The following PDE4D variants were observed in gnomAD, a reference collection of about 807,000 sequenced individuals.
PDE4D encodes 3',5'-cyclic-AMP phosphodiesterase 4D.
PDE4D carries 24 observed loss-of-function variants against 87.4 expected under a neutral mutation model. The observed-to-expected ratio is 0.27, with a 90% CI of 0.20 to 0.39. PDE4D has a LOEUF of 0.39. Ranked by LOEUF, PDE4D falls within the 10% of genes least tolerant of loss-of-function variation. The probability of loss-of-function intolerance (pLI) is 1.00; values close to 1 mark genes in which losing one functional copy is unlikely to be tolerated. For synonymous variants in PDE4D, 384 were observed against 383.2 expected (o/e 1.00, Z -0.02); for missense variants, 714 against 1,041.0 (o/e 0.69, Z 4.32).
At chr5:59,874,159 T>C (rs892339208) in intron 1 of PDE4D, among the ~76,000 whole-genome samples, 2 of 152,136 alleles carry the variant, frequency 1.3e-5, no homozygotes, top group African/African-American at 4.8e-5. Context: ...GCCATAATCA[T>C]GCCACTGCAC....
At chr5:59,307,275 A>AAT (rs2153563630) in intron 1 of PDE4D, among the ~76,000 whole-genome samples, 1 of 140,248 alleles carries the variant, frequency 7.1e-6, no homozygotes, top group Non-Finnish European at 1.5e-5. Context: ...AAACCCAGGC[A>AAT]TTACCATTCA....
chr5:59,474,810 A>G (rs1482947101), intron 1 of PDE4D, among the ~76,000 whole-genome samples: 1 of 152,120 alleles, frequency 6.6e-6, no homozygotes, highest in Non-Finnish European at 1.5e-5. Context: ...GAAGTCATAA[A>G]AAGTTTTATG....
At chr5:59,548,490 A>G (rs1259156814) in intron 1 of PDE4D, among the ~76,000 whole-genome samples, 3 of 152,154 alleles carry the variant, frequency 2.0e-5, no homozygotes, top group Non-Finnish European at 4.4e-5. Flanking sequence ...ATAACTCAAC[A>G]GAATAGACAA....
chr5:59,326,219 TAACA>T (rs1448832218), intron 1 of PDE4D, among the ~76,000 whole-genome samples: 2 of 152,106 alleles, frequency 1.3e-5, no homozygotes, highest in Non-Finnish European at 2.9e-5. Flanking sequence ...TATACATATG[TAACA>T]AACCTGCACG....
chr5:59,961,781 A>C (rs1434322871), intron 3 of PDE4D, among the ~76,000 whole-genome samples: 13 of 152,152 alleles, frequency 8.5e-5, no homozygotes, highest in Admixed American at 7.9e-4. Context: ...CTGTAGGGAA[A>C]GGGGAGAATC....
intron 1 of PDE4D, among the ~76,000 whole-genome samples, chr5:59,601,800 G>A (rs989170882): frequency 1.3e-5 from 2 of 152,058 alleles, no homozygotes; most frequent in African/African-American, 4.8e-5. Context: ...AGAGCCCCAA[G>A]TGTAAACTAG....
Position 59,173,791 on chromosome 5 carries a change from CTT to C in PDE4D, c.808+6802_808+6803del, listed in dbSNP as rs539863552. On this transcript the variant is annotated intron_variant, in intron 5 of 14. Transcript: ENST00000340635. ...GGCTTCTCTGGCAATGGCTGGGTCTCTTGTCTTCCCTATACACTGACACAACA... is the reference window on the plus strand; with the variant it reads ...GGCTTCTCTGGCAATGGCTGGGTCTCGTCTTCCCTATACACTGACACAACA... 2.4e-3 allele frequency among the ~76,000 whole-genome samples: 368 copies of C among 152,280 alleles called. 2 individuals carry two copies. The highest frequency in any genetic ancestry group is 8.3e-3 in the African/African-American group (344 of 41,546).
intron 1 of PDE4D, among the ~76,000 whole-genome samples, chr5:59,419,240 A>T (rs1462387439): frequency 6.6e-6 from 1 of 152,204 alleles, no homozygotes; most frequent in Non-Finnish European, 1.5e-5. Context: ...GGACTATTAA[A>T]GTCCTTATGT....
At chr5:59,956,640 G>A (rs1395455578) in intron 3 of PDE4D, among the ~76,000 whole-genome samples, 5 of 152,076 alleles carry the variant, frequency 3.3e-5, no homozygotes, top group African/African-American at 7.2e-5. Flanking sequence ...CATGCTTTCA[G>A]AATTAAATGA....
At chr5:59,191,881 A>G (rs995785702) in intron 3 of PDE4D, among the ~76,000 whole-genome samples, 2 of 152,066 alleles carry the variant, frequency 1.3e-5, no homozygotes, top group Non-Finnish European at 2.9e-5. Flanking sequence ...ATAAGTTTTC[A>G]ATAGTAATCA....
chr5:59,367,689 T>A (rs1783290041), intron 1 of PDE4D, among the ~76,000 whole-genome samples: 1 of 152,196 alleles, frequency 6.6e-6, no homozygotes, highest in Non-Finnish European at 1.5e-5. Flanking sequence ...ATGGTATTAT[T>A]TAAAATCAAA....
At position 60,152,476 on chromosome 5, in the gene PDE4D, A is replaced by AC. The variant is rs568537666; in HGVS notation, c.42+33080dup. On this transcript the variant is annotated intron_variant, in intron 2 of 16. Coordinates refer to the PDE4D transcript ENST00000502484. ...AGACCATCCTGCCTAACATGGTGAA[A>AC]CCCCATCTCTACTAAAAATACAAAA... Among the ~76,000 whole-genome samples the AC allele has an allele frequency of 2.0e-3, 303 of 151,932 alleles. 1 individual carries two copies. The highest frequency in any genetic ancestry group is 7.1e-3 in the African/African-American group (294 of 41,420).
In PDE4D at chr5:59,437,708, A is replaced by G. The variant is rs1243503200; in HGVS notation, c.456-221740T>C. ...AGATGGCATAACTCCTATCTAGGAA[A>G]AAAAAAAAGCATACAATTCATTTGA... On this transcript the variant is annotated intron_variant, in intron 1 of 14. Transcript: ENST00000340635. 1.3e-5 allele frequency among the ~76,000 whole-genome samples: 2 copies of G among 152,118 alleles called. 1 individual carries two copies. The highest frequency in any genetic ancestry group is 1.3e-4 in the Admixed American group (2 of 15,272).
chr5:60,087,382 A>C (rs947610048), intron 2 of PDE4D, among the ~76,000 whole-genome samples: 1 of 152,224 alleles, frequency 6.6e-6, no homozygotes, highest in Admixed American at 6.5e-5. Flanking sequence ...CACCACTCAA[A>C]GAAACCAACA....
At chr5:59,094,574 C>T (rs1769349421) in intron 5 of PDE4D, among the ~76,000 whole-genome samples, 2 of 151,816 alleles carry the variant, frequency 1.3e-5, no homozygotes, top group South Asian at 2.1e-4. Flanking sequence ...AAATGCAGAC[C>T]AAGACAATTG....
chr5:60,095,450 T>C (rs1349377413), intron 2 of PDE4D, among the ~76,000 whole-genome samples: 3 of 152,200 alleles, frequency 2.0e-5, no homozygotes, highest in African/African-American at 4.8e-5. Context: ...CAGTCTATCA[T>C]TGATGGACTT....
At chr5:59,484,190 A>G (rs1582815686) in intron 1 of PDE4D, among the ~76,000 whole-genome samples, 1 of 152,204 alleles carries the variant, frequency 6.6e-6, no homozygotes, top group East Asian at 1.9e-4. Context: ...CTTTTCCATG[A>G]CAGGCAGGTT....
chr5:59,632,910 T>A (rs1477282041), intron 1 of PDE4D, among the ~76,000 whole-genome samples: 1 of 152,102 alleles, frequency 6.6e-6, no homozygotes, highest in Non-Finnish European at 1.5e-5. Flanking sequence ...GAAATAGGCT[T>A]CAGAAGGTGG....
At chr5:60,278,535 T>C (rs1281265689) in intron 1 of PDE4D, among the ~76,000 whole-genome samples, 1 of 152,162 alleles carries the variant, frequency 6.6e-6, no homozygotes, top group Non-Finnish European at 1.5e-5. Flanking sequence ...GAATGCTAGA[T>C]CTTTTGTTAT....
Sources: gnomAD v4.1 joint callset for allele counts (sites outside exome capture counted in the v4.1 genomes callset) on GRCh38, gnomAD v4.1.1 for gene constraint, MANE v1.5 for transcripts, NCBI Gene and HGNC (gene_info 2026-07-23, HGNC 2026-07-21) for gene names.